MGA: variants seen among roughly 807,000 people sequenced by gnomAD.
MGA encodes MAX gene-associated protein.
In MGA, 40 loss-of-function variants were observed where a neutral mutation model predicts 261.1. The observed-to-expected ratio is 0.15, with a 90% CI of 0.12 to 0.20. The LOEUF is 0.20. MGA is among the 10% of genes least tolerant of loss of function. The pLI is 1.00. For synonymous variants in MGA, 1,302 were observed against 1,290.6 expected (o/e 1.01, Z -0.19); for missense variants, 3,397 against 3,630.5 (o/e 0.94, Z 1.65).
chr15:41,748,827 C>G lies in MGA; in HGVS notation c.5403C>G (p.Phe1801Leu). Residue 1801 changes from phenylalanine (F) to leucine (L), a missense_variant, in exon 16 of 24, where the codon TTC becomes TTG. By Grantham distance (22) the Phe-to-Leu change is conservative. Coordinates refer to ENST00000219905, the MANE Select transcript of MGA (RefSeq NM_001164273.2). ...GGAGTCCAAGTGGAATGAACTTATTCAGGCACCCTAATGGGCAGATTGTCC... is the reference window on the plus strand; with the variant it reads ...GGAGTCCAAGTGGAATGAACTTATTGAGGCACCCTAATGGGCAGATTGTCC... 6.2e-7 allele frequency: 1 copy of G among 1,613,970 alleles called. No homozygotes were observed. The highest frequency in any genetic ancestry group is 8.5e-7 in the Non-Finnish European group (1 of 1,179,878).
intron 8 of MGA, 39 bp downstream of exon 8, chr15:41,711,388 G>A: frequency 6.5e-7 from 1 of 1,530,794 alleles, no homozygotes; most frequent in Non-Finnish European, 8.8e-7. Context: ...ATTAGTGCTT[G>A]GCTAGAAAGA....
chr15:41,743,675 T>C (rs2062247765), intron 15 of MGA, among the ~76,000 whole-genome samples: 2 of 151,864 alleles, frequency 1.3e-5, no homozygotes, highest in Admixed American at 1.3e-4. Flanking sequence ...TTTTGTGGGG[T>C]GTGGGGGGTG....
rs2063914061 is a variant in MGA at position 41,768,695 on chromosome 15, T to C, written c.*1415T>C. 1.3e-5 allele frequency: 2 copies of C among 152,656 alleles called. No homozygotes were observed. The highest frequency in any genetic ancestry group is 4.8e-5 in the African/African-American group (2 of 41,458). The allele number at this position is 152,656 out of a possible 1,614,324, so 9.5% of individuals were successfully genotyped here. On this transcript the variant is annotated 3_prime_UTR_variant, in exon 24 of 24. Coordinates refer to ENST00000219905, the MANE Select transcript of MGA (RefSeq NM_001164273.2). ...AAAACACTAACACAAGAGCTTCCAGTGCCTGGGCCGTGCCTAGGTGATGCT... is the reference window on the plus strand; with the variant it reads ...AAAACACTAACACAAGAGCTTCCAGCGCCTGGGCCGTGCCTAGGTGATGCT...
At position 41,679,647 on chromosome 15, in the gene MGA, T is replaced by A. The variant is rs535438989; in HGVS notation, c.1064+9689T>A. ...TCATTGTGTAGAAATACAATTGATT[T>A]TTGTGTGTTGAGTTTGTATCCTTCA... On this transcript the variant is annotated intron_variant, in intron 2 of 23. Coordinates refer to ENST00000219905, the MANE Select transcript of MGA (RefSeq NM_001164273.2). Among the ~76,000 whole-genome samples, 18 of 152,284 alleles carry A rather than the reference T, an allele frequency of 1.2e-4. 1 individual carries two copies. Among genetic ancestry groups the A allele is most frequent in the African/African-American group, 4.1e-4 (17 of 41,566 alleles).
chr15:41,768,222 A>G lies in MGA; in HGVS notation c.*942A>G, dbSNP rs1465129508. 2.6e-5 allele frequency: 4 copies of G among 152,660 alleles called. No homozygotes were observed. The highest frequency in any genetic ancestry group is 9.6e-5 in the African/African-American group (4 of 41,462). The allele number at this position is 152,660 out of a possible 1,614,324, so 9.5% of individuals were successfully genotyped here. A position where few individuals can be genotyped will look rare whatever the true frequency, so the allele number is the denominator to read the frequency against. On this transcript the variant is annotated 3_prime_UTR_variant, in exon 24 of 24. Coordinates refer to ENST00000219905, the MANE Select transcript of MGA (RefSeq NM_001164273.2). ...GAAGGTTTCATTCACTATTACCTGC[A>G]CAGGATGTAAAGAAAAGTCACAGTA...
In MGA at chr15:41,768,405, T is replaced by A. The variant is rs1348456333; in HGVS notation, c.*1125T>A. On this transcript the variant is annotated 3_prime_UTR_variant, in exon 24 of 24. Coordinates refer to ENST00000219905, the MANE Select transcript of MGA (RefSeq NM_001164273.2). ...AAAGATATTTATATTTTTGTATAGTTGTTTTCATAGATTTCTCAAAGGCTG... is the reference window on the plus strand; with the variant it reads ...AAAGATATTTATATTTTTGTATAGTAGTTTTCATAGATTTCTCAAAGGCTG... 1 of 152,662 alleles carries A rather than the reference T, an allele frequency of 6.6e-6. No individual in the cohort carries two copies. The highest frequency in any genetic ancestry group is 1.5e-5 in the Non-Finnish European group (1 of 68,036). The allele number at this position is 152,662 out of a possible 1,614,324, so 9.5% of individuals were successfully genotyped here.
intron 8 of MGA, 107 bp from the exon 9 acceptor site, chr15:41,713,044 G>A: frequency 1.4e-6 from 2 of 1,462,270 alleles, no homozygotes; most frequent in Admixed American, 2.1e-5. Context: ...GTCCTGTGCT[G>A]TTAGTACTTA....
At chr15:41,750,951 G>C (rs2062798467) in intron 17 of MGA, 1 of 188,366 alleles carries the variant, frequency 5.3e-6, no homozygotes, top group Non-Finnish European at 1.1e-5. Flanking sequence ...TTTTCTATGT[G>C]AGGTGGTTGT....
chr15:41,687,031 G>GT (rs148996159), intron 2 of MGA, among the ~76,000 whole-genome samples: 111 of 148,202 alleles, frequency 7.5e-4, no homozygotes, highest in East Asian at 4.9e-3. Context: ...CAAGATTGCT[G>GT]TTTTTTTTTT....
Position 41,766,411 on chromosome 15 carries a change from A to G in MGA, c.8329A>G (p.Lys2777Glu). 1 of 1,613,862 alleles carries G rather than the reference A, an allele frequency of 6.2e-7. No homozygotes were observed. The highest frequency in any genetic ancestry group is 8.5e-7 in the Non-Finnish European group (1 of 1,179,788). The change falls in exon 24 of 24, where the codon AAA (lysine) becomes GAA (glutamate). Residue 2777 changes from lysine to glutamate, a missense_variant. This residue lies in a region of MGA where 647 missense variants were observed against 642.4 expected (regional missense o/e 1.01). Transcript: ENST00000219905. Reference sequence around the variant, plus strand: ...GAAGTCAAAGGATTCTTCATTTCATAAATTAAAGATGAAAGATCTCAAGGA... The same window carrying G: ...GAAGTCAAAGGATTCTTCATTTCATGAATTAAAGATGAAAGATCTCAAGGA...
chr15:41,703,956 T>C (rs1711952041), intron 5 of MGA, among the ~76,000 whole-genome samples: 1 of 151,942 alleles, frequency 6.6e-6, no homozygotes, highest in South Asian at 2.1e-4. Flanking sequence ...TACAAGCACA[T>C]GCCACCACAC....
At position 41,743,007 on chromosome 15, in the gene MGA, C is replaced by T. The variant is rs756633998; in HGVS notation, c.5047C>T (p.Pro1683Ser). ...TTTTCCTAAGTCTTTGGTAGCATCT[C>T]CTTCAACCATAACTCTTCCTGTTGC... Residue 1683 changes from proline (P) to serine (S), a missense_variant, in exon 15 of 24, where the codon CCT becomes TCT. Around this residue, in one of 9 missense-constraint regions of MGA, gnomAD observed 1,410 missense variants for 1,386.4 expected, o/e 1.02. Transcript: ENST00000219905. 3 of 1,613,886 alleles carry T rather than the reference C, an allele frequency of 1.9e-6. No homozygotes were observed. In the East Asian group the frequency reaches 6.7e-5, roughly 36 times the overall value.
rs752031187 is a variant in MGA, at chr15:41,668,903, G to A, written c.9G>A (p.Glu3=). 8 of 1,559,210 alleles carry A rather than the reference G, an allele frequency of 5.1e-6. No homozygotes were observed. In the South Asian group the frequency reaches 9.6e-5, roughly 19 times the overall value. The change falls in exon 2 of 24, where the codon GAG becomes GAA. Residue 3 remains glutamate, a synonymous_variant. Transcript: ENST00000219905. Reference sequence around the variant, plus strand: ...AGTTTCCTACTGAAATCATGGAGGAGAAACAGCAGATTATATTGGCTAATC... The same window carrying A: ...AGTTTCCTACTGAAATCATGGAGGAAAAACAGCAGATTATATTGGCTAATC...
intron 15 of MGA, among the ~76,000 whole-genome samples, chr15:41,745,802 C>T (rs982718337): frequency 6.6e-6 from 1 of 152,066 alleles, no homozygotes; most frequent in African/African-American, 2.4e-5. Flanking sequence ...GGCGAGGTCT[C>T]GCTGTGTTGT....
intron 11 of MGA, among the ~76,000 whole-genome samples, chr15:41,733,850 A>G (rs1338221419): frequency 1.3e-5 from 2 of 151,920 alleles, no homozygotes; most frequent in African/African-American, 2.4e-5. Context: ...AATTTTAAAA[A>G]TTCTAGTTTT....
chr15:41,696,500 A>G lies in MGA; in HGVS notation c.1490A>G (p.Asp497Gly). The change falls in exon 3 of 24, where the codon GAT (aspartate) becomes GGT (glycine). Residue 497 changes from aspartate to glycine, a missense_variant. This residue lies in a region of MGA where 563 missense variants were observed against 563.6 expected (regional missense o/e 1.00). Coordinates refer to ENST00000219905, the MANE Select transcript of MGA (RefSeq NM_001164273.2). ...AACATGCTTTCCACATCTCGAAAGG[A>G]TAAATCTTCTATGTTGGCAGAATTG... 3 of 1,614,022 alleles carry G rather than the reference A, an allele frequency of 1.9e-6. No individual in the cohort carries two copies. The highest frequency in any genetic ancestry group is 2.5e-6 in the Non-Finnish European group (3 of 1,179,902).
At chr15:41,673,089 T>C (rs187657005) in intron 2 of MGA, among the ~76,000 whole-genome samples, 91 of 152,348 alleles carry the variant, frequency 6.0e-4, no homozygotes, top group Admixed American at 5.9e-3. Context: ...GTGGTTCTCC[T>C]AACTCTTGAT....
intron 1 of MGA, among the ~76,000 whole-genome samples, chr15:41,667,360 C>T (rs965466215): frequency 2.0e-5 from 3 of 151,956 alleles, no homozygotes; most frequent in Non-Finnish European, 4.4e-5. Flanking sequence ...ATTCTCTTGT[C>T]TTAGCCTCCC....
At position 41,762,200 on chromosome 15, in the gene MGA, A is replaced by G. The variant is rs959811571; in HGVS notation, c.7582A>G (p.Lys2528Glu). The G allele has an allele frequency of 3.1e-6, 5 of 1,613,958 alleles. No homozygotes were observed. In the African/African-American group the frequency reaches 4.0e-5, roughly 13 times the overall value. Residue 2528 changes from lysine to glutamate, a missense_variant, in exon 22 of 24, where the codon AAA becomes GAA. By Grantham distance (56) the Lys-to-Glu change is moderately conservative. This residue lies in a region of MGA where 647 missense variants were observed against 642.4 expected (regional missense o/e 1.01). Coordinates refer to ENST00000219905, the MANE Select transcript of MGA (RefSeq NM_001164273.2). ...AAAACAGCAAGCACTAGAGGCACAA[A>G]AAAGAAAAAAGAAGATGGGATCAGA...
Sources: allele counts gnomAD v4.1 joint callset (sites outside exome capture counted in the v4.1 genomes callset), GRCh38; gene constraint gnomAD v4.1.1; regional missense constraint gnomAD v4.1.1; transcripts MANE v1.5; gene names NCBI Gene and HGNC (gene_info 2026-07-23, HGNC 2026-07-21).